Variants in IRGM observed in about 807,000 individuals in gnomAD.
The protein encoded by IRGM is immunity related GTPase M.
For missense variants in IRGM, 288 were observed against 219.9 expected, an observed-to-expected ratio of 1.31 and a Z score of -1.96; for synonymous variants, 98 against 80.6, an observed-to-expected ratio of 1.22 and a Z score of -1.16.
chr5:150,847,460 A>G (rs1265071471), intron 1 of IRGM: 1 of 152,388 alleles, frequency 6.6e-6, no homozygotes, highest in Non-Finnish European at 1.5e-5. Context: ...CTGCTTTTCA[A>G]GCCATCTCAT....
downstream of IRGM, among the ~76,000 whole-genome samples, chr5:150,849,247 T>C (rs2113248687): frequency 2.0e-5 from 3 of 152,344 alleles, no homozygotes; most frequent in Admixed American, 2.0e-4. Flanking sequence ...TCTAAGTTCT[T>C]GTTTTATCCA....
At position 150,900,392 on chromosome 5, in the gene IRGM, CAT is replaced by C. The variant is rs201522103; in HGVS notation, c.*141-196_*141-195del. On this transcript the variant is annotated intron_variant and NMD_transcript_variant, in intron 3 of 3. Transcript: ENST00000520549. ...CTTCCTGTCCTCAGCCTACTTCCCT[CAT>C]GAGCCAAAGTTCAATAATCATTTAA... is the stretch of plus-strand genomic sequence containing the variant. Among the ~76,000 whole-genome samples, 666 of 152,154 alleles carry C rather than the reference CAT, an allele frequency of 4.4e-3. 5 individuals carry two copies. The highest frequency in any genetic ancestry group is 0.015 in the African/African-American group (625 of 41,534).
At chr5:150,874,866 C>T (rs1379596805) in intron 1 of IRGM, among the ~76,000 whole-genome samples, 1 of 152,154 alleles carries the variant, frequency 6.6e-6, no homozygotes, top group East Asian at 1.9e-4. Context: ...CAGCTCTTGG[C>T]CTGTCACTGG....
rs60800371 is a variant in IRGM, at chr5:150,847,809, T to TTTTG, written c.-307_-304dup. On this transcript the variant is annotated 5_prime_UTR_variant, in exon 2 of 2. The change abolishes the stop of an existing upstream ORF in the 5' untranslated region. Coordinates refer to ENST00000522154, the MANE Select transcript of IRGM (RefSeq NM_001145805.2). ...TTTTTGCCACACCATAAGCATTGGGTTTTGTTTGTTTTGAGATGGAGTCTT... is the reference window on the plus strand; with the variant it reads ...TTTTTGCCACACCATAAGCATTGGGTTTTGTTTGTTTGTTTTGAGATGGAGTCTT... 8 of 276,740 alleles carry TTTTG rather than the reference T, an allele frequency of 2.9e-5. No homozygotes were observed. The highest frequency in any genetic ancestry group is 1.8e-4 in the African/African-American group (8 of 45,158). 17.1% of individuals were successfully genotyped at this position (276,740 alleles called of 1,614,324 possible).
At chr5:150,884,287 A>G (rs1223246275) in intron 3 of IRGM, among the ~76,000 whole-genome samples, 5 of 152,086 alleles carry the variant, frequency 3.3e-5, no homozygotes, top group Non-Finnish European at 7.4e-5. Context: ...TCCATGGTGT[A>G]TATGTACCAC....
intron 3 of IRGM, among the ~76,000 whole-genome samples, chr5:150,881,948 G>A (rs139679275): frequency 6.6e-6 from 1 of 152,268 alleles, no homozygotes; most frequent in East Asian, 1.9e-4. Context: ...TTGGGAGGCC[G>A]TGGTGGCCTG....
intron 3 of IRGM, among the ~76,000 whole-genome samples, chr5:150,891,563 AT>A (rs1464552658): frequency 6.6e-6 from 1 of 151,734 alleles, no homozygotes; most frequent in Non-Finnish European, 1.5e-5. Flanking sequence ...CTGTTTTGTT[AT>A]TTTAGTGGTT....
At position 150,848,132 on chromosome 5, in the gene IRGM, C is replaced by T. The variant is rs1463949954; in HGVS notation, c.9C>T (p.Ala3=). The change falls in exon 2 of 2, where the codon GCC becomes GCT. Residue 3 remains alanine, a synonymous_variant. Transcript: ENST00000522154. ...GGGGTATTTTATTGAAGATGGAAGC[C>T]ATGAATGTTGAGAAAGCCTCAGCAG... is the stretch of plus-strand genomic sequence containing the variant. The part of the protein sequence containing the change: ME[A]MNVEKASADG... 1 of 1,543,352 alleles carries T rather than the reference C, an allele frequency of 6.5e-7. No homozygotes were observed.
chr5:150,895,550 G>A (rs764334253), intron 3 of IRGM: 2 of 1,613,480 alleles, frequency 1.2e-6, no homozygotes, highest in Admixed American at 3.3e-5. Context: ...GTAAAACAAG[G>A]TCTGACTTCT....
chr5:150,860,016 G>A (rs745870420), intron 1 of IRGM, among the ~76,000 whole-genome samples: 5 of 152,084 alleles, frequency 3.3e-5, no homozygotes, highest in Non-Finnish European at 5.9e-5. Context: ...AGATTTCATT[G>A]CCCAATATGG....
At chr5:150,895,348 A>C in intron 3 of IRGM, 2 of 1,206,914 alleles carry the variant, frequency 1.7e-6, no homozygotes, top group Non-Finnish European at 2.3e-6. Flanking sequence ...GTTGTCCCCA[A>C]GCTTATCAAA....
Position 150,848,290 on chromosome 5 carries a change from C to A in IRGM, c.167C>A (p.Thr56Lys). 1 of 1,551,842 alleles carries A rather than the reference C, an allele frequency of 6.4e-7. No homozygotes were observed. Among genetic ancestry groups the A allele is most frequent in the South Asian group, 1.2e-5 (1 of 84,060 alleles). Residue 56 changes from threonine (T) to lysine (K), a missense_variant, in exon 2 of 2, where the codon ACA becomes AAA. Transcript: ENST00000522154. Reference protein sequence around the residue: ...MSTFISALRNTGHEGKASPPT... With the variant: ...MSTFISALRNKGHEGKASPPT... ...ACCTTCATCAGTGCCCTTCGAAACA[C>A]AGGACATGAGGGTAAGGCCTCACCT...
At chr5:150,872,190 T>C (rs1409864590) in intron 1 of IRGM, among the ~76,000 whole-genome samples, 1 of 152,258 alleles carries the variant, frequency 6.6e-6, no homozygotes, top group African/African-American at 2.4e-5. Flanking sequence ...ATCTATAATA[T>C]AGTTATTTCT....
chr5:150,849,542 T>G (rs1267051356), downstream of IRGM, among the ~76,000 whole-genome samples: 1 of 151,886 alleles, frequency 6.6e-6, no homozygotes, highest in Non-Finnish European at 1.5e-5. Flanking sequence ...AAAAGTAAAA[T>G]GATCATCAGG....
intron 1 of IRGM, among the ~76,000 whole-genome samples, chr5:150,865,732 A>T (rs1184716304): frequency 6.6e-6 from 1 of 152,188 alleles, no homozygotes; most frequent in Non-Finnish European, 1.5e-5. Context: ...GTGTATAAGA[A>T]GGAAAATATT....
At chr5:150,858,359 C>T (rs1355883838) in intron 1 of IRGM, among the ~76,000 whole-genome samples, 18 of 152,006 alleles carry the variant, frequency 1.2e-4, no homozygotes, top group East Asian at 3.9e-4. Context: ...TCAGGTAGTG[C>T]GATGCCTCCA....
chr5:150,856,916 T>C (rs10061857), intron 1 of IRGM, among the ~76,000 whole-genome samples: 4,976 of 146,516 alleles, frequency 0.034, 266 homozygotes, highest in African/African-American at 0.12. Flanking sequence ...AATAAATATT[T>C]ATTATTTATT....
At chr5:150,856,204 A>AG (rs1754047248) in intron 1 of IRGM, among the ~76,000 whole-genome samples, 1 of 152,142 alleles carries the variant, frequency 6.6e-6, no homozygotes, top group African/African-American at 2.4e-5. Flanking sequence ...AGGCCAAGGC[A>AG]GGTGGATCAT....
intron 1 of IRGM, among the ~76,000 whole-genome samples, chr5:150,862,402 G>A (rs189116676): frequency 4.6e-5 from 7 of 152,314 alleles, no homozygotes; most frequent in Middle Eastern, 3.4e-3. Context: ...AATATCAAAG[G>A]AGGGAATAAT....
Sources: gnomAD v4.1 joint callset for allele counts (sites outside exome capture counted in the v4.1 genomes callset) on GRCh38, gnomAD v4.1.1 for gene constraint, MANE v1.5 for transcripts, NCBI Gene and HGNC (gene_info 2026-07-23, HGNC 2026-07-21) for gene names.